Variants in RIMBP2 observed in about 807,000 individuals in gnomAD.
RIMBP2 encodes RIMS-binding protein 2.
In RIMBP2, 48 loss-of-function variants were observed where a neutral mutation model predicts 118.6. The observed-to-expected ratio is 0.40, with a 90% CI of 0.32 to 0.51. The LOEUF is 0.51. Among genes scored for constraint, RIMBP2 ranks in the 20% least tolerant of loss-of-function variants. RIMBP2 has a pLI of 0.41. For synonymous variants in RIMBP2, 762 were observed against 742.9 expected (o/e 1.03, Z -0.42); for missense variants, 1,551 against 1,768.3 (o/e 0.88, Z 2.20).
intron 22 of RIMBP2, chr12:130,397,814 A>G (rs1593149244): frequency 3.5e-6 from 1 of 283,010 alleles, no homozygotes; most frequent in African/African-American, 2.2e-5. Context: ...AAGGCAGGTA[A>G]TAATTCACTT....
chr12:130,550,172 G>A lies in RIMBP2; in HGVS notation c.-216-32255C>T, dbSNP rs567197504. 1.2e-4 allele frequency among the ~76,000 whole-genome samples: 18 copies of A among 152,288 alleles called. 1 individual carries two copies. In the South Asian group the frequency reaches 2.1e-3, roughly 18 times the overall value. On this transcript the variant is annotated intron_variant, in intron 2 of 22. Transcript: ENST00000690449. ...GGGAGGAGAAAGGCCATGAGTGAGC[G>A]TGTTTGTCCTGGGAGAAGGGATGTC...
chr12:130,711,622 TG>T (rs1366866006), intron 1 of RIMBP2, among the ~76,000 whole-genome samples: 1 of 152,256 alleles, frequency 6.6e-6, no homozygotes, highest in Non-Finnish European at 1.5e-5. Context: ...CAGATGCATT[TG>T]CTTCTCACAC....
At chr12:130,601,860 G>A (rs554583754) in intron 2 of RIMBP2, among the ~76,000 whole-genome samples, 64 of 152,188 alleles carry the variant, frequency 4.2e-4, no homozygotes, top group African/African-American at 1.4e-3. Flanking sequence ...TATGCAAATA[G>A]GTGTGACATA....
rs183112462 is a variant in RIMBP2 at position 130,610,464 on chromosome 12, A to G, written c.-217+17858T>C. 1.2e-4 allele frequency among the ~76,000 whole-genome samples: 18 copies of G among 152,280 alleles called. No homozygotes were observed. The East Asian group carries it at 3.5e-3, about 29-fold the overall frequency. ...AACACTTATCTCTTTGATAAATAAA[A>G]ACAAAAGGATAAAAACTAAGTAATG... On this transcript the variant is annotated intron_variant, in intron 2 of 22. Transcript: ENST00000690449.
intron 1 of RIMBP2, among the ~76,000 whole-genome samples, chr12:130,681,463 G>T (rs935829161): frequency 6.6e-6 from 1 of 151,820 alleles, no homozygotes; most frequent in Non-Finnish European, 1.5e-5. Context: ...GAATCTCTAT[G>T]CTCATTAAGC....
chr12:130,418,302 T>A (rs536530424), intron 17 of RIMBP2, among the ~76,000 whole-genome samples: 1 of 152,244 alleles, frequency 6.6e-6, no homozygotes, highest in Non-Finnish European at 1.5e-5. Flanking sequence ...CAGGCTGTTA[T>A]GATTTTGTTG....
chr12:130,605,911 G>GA (rs890862665), intron 2 of RIMBP2, among the ~76,000 whole-genome samples: 4 of 151,964 alleles, frequency 2.6e-5, no homozygotes, highest in Non-Finnish European at 5.9e-5. Flanking sequence ...TGAAAATTCA[G>GA]AAAAAAATTA....
intron 4 of RIMBP2, among the ~76,000 whole-genome samples, chr12:130,501,030 G>A (rs547317180): frequency 3.3e-5 from 5 of 152,140 alleles, no homozygotes; most frequent in East Asian, 1.9e-4. Flanking sequence ...TCTCCCACAC[G>A]TGGTGACGCC....
At chr12:130,449,164 CTG>C (rs2078785064) in intron 9 of RIMBP2, among the ~76,000 whole-genome samples, 1 of 152,236 alleles carries the variant, frequency 6.6e-6, no homozygotes, top group Non-Finnish European at 1.5e-5. Flanking sequence ...GTTGGAGCAT[CTG>C]TGAGACAAAA....
At chr12:130,644,659 C>A (rs1426105679) in intron 1 of RIMBP2, among the ~76,000 whole-genome samples, 1 of 152,246 alleles carries the variant, frequency 6.6e-6, no homozygotes, top group Non-Finnish European at 1.5e-5. Flanking sequence ...TGATCCTAAT[C>A]ACCGTCAGAC....
rs184328130 is a variant in RIMBP2 at position 130,638,257 on chromosome 12, C to T, written c.-351-9801G>A. Among the ~76,000 whole-genome samples, 10 of 152,068 alleles carry T rather than the reference C, an allele frequency of 6.6e-5. No homozygotes were observed. In the East Asian group the frequency reaches 1.4e-3, roughly 21 times the overall value. ...AAGCAACCAAGATGTCTTTCATAGG[C>T]GAATGAATGATATATCCAGATACTG... is the stretch of plus-strand genomic sequence containing the variant. On this transcript the variant is annotated intron_variant, in intron 1 of 22. Coordinates refer to ENST00000690449, the MANE Select transcript of RIMBP2 (RefSeq NM_001393629.1).
intron 6 of RIMBP2, chr12:130,465,185 G>T (rs976541910): frequency 1.3e-5 from 2 of 152,226 alleles, no homozygotes; most frequent in African/African-American, 4.8e-5. Context: ...AAGCAAGCAC[G>T]CTGGCCACCC....
intron 2 of RIMBP2, among the ~76,000 whole-genome samples, chr12:130,608,111 G>A (rs73156969): frequency 0.081 from 12,261 of 152,250 alleles, 529 homozygotes; most frequent in African/African-American, 0.1. Context: ...TTCCATGTCT[G>A]ACCTCCCAGC....
In RIMBP2 at chr12:130,424,687, C is replaced by T. The variant is rs1388141581; in HGVS notation, c.2584G>A (p.Gly862Arg). 8.1e-7 allele frequency: 1 copy of T among 1,231,798 alleles called. No individual in the cohort carries two copies. The highest frequency in any genetic ancestry group is 1.0e-6 in the Non-Finnish European group (1 of 987,922). The allele number at this position is 1,231,798 out of a possible 1,614,324, so 76.3% of individuals were successfully genotyped here. The change falls in exon 16 of 23, where the codon GGG becomes AGG. Residue 862 changes from glycine (G) to arginine (R), a missense_variant. Physicochemically the swap from Gly to Arg is moderately radical, Grantham distance 125. This residue lies in a region of RIMBP2 where 1,038 missense variants were observed against 1,125.1 expected (regional missense o/e 0.92). Coordinates refer to ENST00000690449, the MANE Select transcript of RIMBP2 (RefSeq NM_001393629.1). The surrounding 1 kb of genome is among the most constrained non-coding windows in gnomAD (Gnocchi z 9.8). ...GAGPSPRART[G>R]LAREPRPGRP... ...CCGGGCCTGGGCTCTCTGGCCAGCC[C>T]CGTCCTGGCCCTGGGGGACGGCCCT...
At chr12:130,577,813 C>A (rs1055902741) in intron 2 of RIMBP2, among the ~76,000 whole-genome samples, 8 of 152,116 alleles carry the variant, frequency 5.3e-5, no homozygotes. Flanking sequence ...TCAATCCCTC[C>A]CCACCCGCCA....
chr12:130,593,902 C>T (rs1028079878), intron 2 of RIMBP2, among the ~76,000 whole-genome samples: 1 of 152,210 alleles, frequency 6.6e-6, no homozygotes, highest in Non-Finnish European at 1.5e-5. Context: ...GTTTCTATTT[C>T]AATAACGGTT....
rs2058509297 is a variant in RIMBP2 at position 130,581,974 on chromosome 12, C to G, written c.-217+46348G>C. Among the ~76,000 whole-genome samples, 1 of 152,142 alleles carries G rather than the reference C, an allele frequency of 6.6e-6. No individual in the cohort carries two copies. The highest frequency in any genetic ancestry group is 2.4e-5 in the African/African-American group (1 of 41,422). On this transcript the variant is annotated intron_variant, in intron 2 of 22. Transcript: ENST00000690449. The surrounding 1 kb of genome is among the most constrained non-coding windows in gnomAD (Gnocchi z 4.4). The stretch of plus-strand genomic sequence containing the variant: ...ACTCTCACTTCACCACCACCACCAC[C>G]ACCGACCTCAGGACCTTTGCACCTG...
chr12:130,635,152 C>A (rs1412119311), intron 1 of RIMBP2, among the ~76,000 whole-genome samples: 3 of 152,172 alleles, frequency 2.0e-5, no homozygotes, highest in Non-Finnish European at 4.4e-5. Context: ...TTGCTTTGTT[C>A]CAGTCTCAGG....
At chr12:130,466,559 C>T (rs1296318466) in intron 6 of RIMBP2, among the ~76,000 whole-genome samples, 3 of 152,198 alleles carry the variant, frequency 2.0e-5, no homozygotes, top group Non-Finnish European at 4.4e-5. Flanking sequence ...ACCCCACAAT[C>T]ACCAAGCCAA....
Sources: allele counts gnomAD v4.1 joint callset (sites outside exome capture counted in the v4.1 genomes callset), GRCh38; gene constraint gnomAD v4.1.1; regional missense constraint gnomAD v4.1.1; non-coding constraint Gnocchi (gnomAD v3.1); transcripts MANE v1.5; gene names NCBI Gene and HGNC (gene_info 2026-07-23, HGNC 2026-07-21).